NTRK2: variants seen among roughly 807,000 people sequenced by gnomAD.
NTRK2 encodes neurotrophic receptor tyrosine kinase 2.
NTRK2 carries 13 observed loss-of-function variants against 94.5 expected under a neutral mutation model. The observed-to-expected ratio is 0.14, with a 90% CI of 0.09 to 0.22. NTRK2 has a LOEUF of 0.22. Ranked by LOEUF, NTRK2 falls within the 10% of genes least tolerant of loss-of-function variation. NTRK2 has a pLI of 1.00. For missense variants in NTRK2, 639 were observed against 1,071.2 expected, an observed-to-expected ratio of 0.60 and a Z score of 5.63; for synonymous variants, 372 against 407.4, an observed-to-expected ratio of 0.91 and a Z score of 1.05.
At chr9:84,857,903 G>A (rs994096679) in intron 12 of NTRK2, among the ~76,000 whole-genome samples, 1 of 152,084 alleles carries the variant, frequency 6.6e-6, no homozygotes, top group African/African-American at 2.4e-5. Context: ...TGAGGGTGTT[G>A]CCTTCCATTT....
At chr9:84,993,598 T>G (rs1829362563) in intron 17 of NTRK2, among the ~76,000 whole-genome samples, 1 of 152,254 alleles carries the variant, frequency 6.6e-6, no homozygotes, top group Non-Finnish European at 1.5e-5. Context: ...AGTGCAAATC[T>G]GGCCATGCCA....
At chr9:84,815,894 A>G (rs909500537) in intron 12 of NTRK2, among the ~76,000 whole-genome samples, 12 of 152,056 alleles carry the variant, frequency 7.9e-5, no homozygotes, top group African/African-American at 2.9e-4. Flanking sequence ...TATCCCCCCA[A>G]AAAGGTCTTT....
At chr9:84,813,931 A>C in intron 12 of NTRK2, 1 of 1,065,530 alleles carries the variant, frequency 9.4e-7, no homozygotes, top group Non-Finnish European at 1.1e-6. Context: ...CTGCTGAGCT[A>C]GACTAAGGAA....
intron 14 of NTRK2, among the ~76,000 whole-genome samples, chr9:84,887,134 G>GA (rs959852727): frequency 2.0e-4 from 31 of 151,824 alleles, no homozygotes; most frequent in African/African-American, 6.3e-4. Context: ...TGGTTCATCC[G>GA]AAAAAAAAGA....
intron 14 of NTRK2, 45 bp downstream of exon 14, chr9:84,867,476 T>C (rs2132063079): frequency 6.6e-7 from 1 of 1,505,824 alleles, no homozygotes; most frequent in Non-Finnish European, 9.2e-7. Flanking sequence ...GCTGCATAGC[T>C]GTATCAACCA....
At chr9:84,925,055 G>T (rs1223223149) in intron 14 of NTRK2, among the ~76,000 whole-genome samples, 1 of 152,146 alleles carries the variant, frequency 6.6e-6, no homozygotes, top group African/African-American at 2.4e-5. Flanking sequence ...TGCTATGAGG[G>T]CTTGAGGCCC....
chr9:84,812,227 A>AT, intron 12 of NTRK2: 1 of 1,056,176 alleles, frequency 9.5e-7, no homozygotes, highest in Non-Finnish European at 1.1e-6. Context: ...TAAAAAGGAT[A>AT]TCCATAATGA....
At chr9:85,013,270 CA>C (rs1831834582) in intron 17 of NTRK2, among the ~76,000 whole-genome samples, 1 of 152,154 alleles carries the variant, frequency 6.6e-6, no homozygotes, top group African/African-American at 2.4e-5. Flanking sequence ...ACAATGGCTC[CA>C]GGTTCTTCTC....
chr9:84,915,456 A>ACT (rs1217882521), intron 14 of NTRK2, among the ~76,000 whole-genome samples: 4 of 150,574 alleles, frequency 2.7e-5, no homozygotes, highest in African/African-American at 9.8e-5. Context: ...TGCCTCCTCC[A>ACT]CTCTCTCTCT....
chr9:84,973,484 C>T (rs1379212016), intron 17 of NTRK2, among the ~76,000 whole-genome samples: 1 of 152,182 alleles, frequency 6.6e-6, no homozygotes, highest in Admixed American at 6.5e-5. Context: ...CTGTTTCAGC[C>T]CCTTGAACAG....
chr9:84,721,183 T>G (rs564908913), intron 6 of NTRK2, among the ~76,000 whole-genome samples: 1 of 150,884 alleles, frequency 6.6e-6, no homozygotes, highest in Non-Finnish European at 1.5e-5. Context: ...AATAATCTTT[T>G]TTTTTTTTTT....
intron 14 of NTRK2, chr9:84,873,708 A>G (rs753156164): frequency 7.6e-6 from 8 of 1,056,304 alleles, no homozygotes; most frequent in Non-Finnish European, 9.2e-6. Context: ...TTAGCAAACC[A>G]GTTTCAAGCA....
chr9:84,713,831 A>G (rs968134759), intron 6 of NTRK2, among the ~76,000 whole-genome samples: 4 of 148,374 alleles, frequency 2.7e-5, no homozygotes, highest in African/African-American at 9.9e-5. Context: ...GGTTTTGAGA[A>G]TTTACTCCTT....
chr9:84,836,824 A>G (rs1203963535), intron 12 of NTRK2, among the ~76,000 whole-genome samples: 2 of 150,192 alleles, frequency 1.3e-5, no homozygotes, highest in African/African-American at 4.9e-5. Flanking sequence ...TCTACAAAGA[A>G]CCTTACAACA....
intron 16 of NTRK2, 124 bp downstream of exon 16, chr9:84,948,758 CA>C: frequency 1.3e-6 from 1 of 767,026 alleles, no homozygotes; most frequent in Non-Finnish European, 2.1e-6. Flanking sequence ...TTGATAATGA[CA>C]CCAGCATATG....
chr9:84,865,593 A>G (rs2075554433), intron 13 of NTRK2, among the ~76,000 whole-genome samples: 1 of 152,206 alleles, frequency 6.6e-6, no homozygotes, highest in African/African-American at 2.4e-5. Flanking sequence ...TGTGAGGGAA[A>G]AGGTAAAGGA....
chr9:84,811,166 G>C (rs918064471), intron 12 of NTRK2: 2 of 1,061,770 alleles, frequency 1.9e-6, no homozygotes, highest in South Asian at 9.1e-5. Flanking sequence ...TTTGGGACTT[G>C]GTAGTATTAT....
chr9:84,834,188 T>A (rs1484148253), intron 12 of NTRK2, among the ~76,000 whole-genome samples: 1 of 152,190 alleles, frequency 6.6e-6, no homozygotes, highest in African/African-American at 2.4e-5. Context: ...AATACAGGAT[T>A]CCCAGCTAAA....
intron 12 of NTRK2, chr9:84,815,129 T>C: frequency 9.5e-7 from 1 of 1,057,392 alleles, no homozygotes; most frequent in Non-Finnish European, 1.1e-6. Context: ...CAGTCCATTT[T>C]CAAGTTTTGG....
Sources: gnomAD v4.1 joint callset for allele counts (sites outside exome capture counted in the v4.1 genomes callset) on GRCh38, gnomAD v4.1.1 for gene constraint, MANE v1.5 for transcripts, NCBI Gene and HGNC (gene_info 2026-07-23, HGNC 2026-07-21) for gene names.